Variants in CIRSR observed in about 807,000 individuals in gnomAD.
CIRSR encodes the protein CBF1 (RBPJ) interacting corepressor 1.
the CIRSR span, among the ~76,000 whole-genome samples, chr2:174,383,719 C>CAAAAAAAAAAAAAAAAAAAAACAAAAA: frequency 1.2e-5 from 1 of 83,162 alleles, no homozygotes; most frequent in Non-Finnish European, 2.2e-5. Context: ...GACTCCGTCT[C>CAAAAAAAAAAAAAAAAAAAAACAAAAA]AAAAAAAAAA....
At chr2:174,383,849 CAAAAAAAAA>C in the CIRSR span, among the ~76,000 whole-genome samples, 6 of 121,470 alleles carry the variant, frequency 4.9e-5, no homozygotes, top group South Asian at 7.4e-4. Context: ...AGCTATCTTC[CAAAAAAAAA>C]AAAAAAAAAG....
the CIRSR span, among the ~76,000 whole-genome samples, chr2:174,352,656 T>C: frequency 1.2e-4 from 19 of 152,340 alleles, no homozygotes; most frequent in South Asian, 1.9e-3. Flanking sequence ...GAGAGACTCT[T>C]ATCTCATTTT....
chr2:174,360,165 A>C, the CIRSR span, among the ~76,000 whole-genome samples: 2 of 152,250 alleles, frequency 1.3e-5, no homozygotes, highest in East Asian at 3.8e-4. Flanking sequence ...CATATGTAAC[A>C]AACTGCACGT....
the CIRSR span, among the ~76,000 whole-genome samples, chr2:174,359,228 TTTCTAGGGTGATG>T: frequency 6.6e-6 from 1 of 151,976 alleles, no homozygotes; most frequent in East Asian, 1.9e-4. Context: ...AGAAGGGCAT[TTTCTAGGGTGATG>T]GCAATGCTCT....
the CIRSR span, among the ~76,000 whole-genome samples, chr2:174,391,967 A>G: frequency 6.6e-6 from 1 of 152,132 alleles, no homozygotes; most frequent in Non-Finnish European, 1.5e-5. Context: ...GAGGGAGAAG[A>G]GTTAAGGAAA....
chr2:174,380,524 A>G, the CIRSR span: 1 of 856,372 alleles, frequency 1.2e-6, no homozygotes. Flanking sequence ...AGCTAATTAA[A>G]ATCATTAAAG....
chr2:174,348,382 A>AT, the CIRSR span: 1 of 1,462,332 alleles, frequency 6.8e-7, no homozygotes, highest in Admixed American at 2.6e-5. Flanking sequence ...GAGCTTTTTT[A>AT]TTAGAAAGAC....
the CIRSR span, among the ~76,000 whole-genome samples, chr2:174,377,407 G>T: frequency 5.9e-4 from 90 of 152,276 alleles, 1 homozygote; most frequent in East Asian, 0.017. Context: ...ACCTGTACTG[G>T]GGTATCAGTG....
the CIRSR span, among the ~76,000 whole-genome samples, chr2:174,366,451 G>A: frequency 1.3e-5 from 2 of 152,070 alleles, no homozygotes; most frequent in Non-Finnish European, 2.9e-5. Context: ...TCTAGTGCAA[G>A]TATCCTTCAA....
chr2:174,366,237 A>C, the CIRSR span, among the ~76,000 whole-genome samples: 1 of 152,198 alleles, frequency 6.6e-6, no homozygotes, highest in East Asian at 1.9e-4. Context: ...ACATGTGTAT[A>C]ATGGAAATAA....
chr2:174,394,853 T>C, the CIRSR span, among the ~76,000 whole-genome samples: 1 of 152,230 alleles, frequency 6.6e-6, no homozygotes, highest in Non-Finnish European at 1.5e-5. Flanking sequence ...TTGTTTCAAA[T>C]CCTTTATCTT....
At chr2:174,369,884 A>G in the CIRSR span, 2 of 1,223,868 alleles carry the variant, frequency 1.6e-6, no homozygotes, top group Non-Finnish European at 2.2e-6. Flanking sequence ...TAATAATACA[A>G]GTTTGAATTA....
the CIRSR span, chr2:174,348,688 G>A: frequency 7.9e-5 from 128 of 1,614,054 alleles, no homozygotes; most frequent in South Asian, 9.9e-4. Flanking sequence ...CGGCTTCTCC[G>A]GCTCCTTTCC....
the CIRSR span, among the ~76,000 whole-genome samples, chr2:174,370,166 A>C: frequency 6.6e-6 from 1 of 152,094 alleles, no homozygotes; most frequent in African/African-American, 2.4e-5. Flanking sequence ...GAGAGCTAGC[A>C]CTCCCAGCAA....
At chr2:174,351,743 A>C in the CIRSR span, 2 of 1,595,054 alleles carry the variant, frequency 1.3e-6, no homozygotes, top group Admixed American at 3.4e-5. Context: ...CAAAAATCAC[A>C]GTTTGAATGT....
the CIRSR span, chr2:174,351,533 A>G: frequency 9.2e-7 from 1 of 1,084,566 alleles, no homozygotes; most frequent in Non-Finnish European, 1.4e-6. Context: ...GGATATATGC[A>G]TATTGGAAAA....
At chr2:174,374,704 C>T in the CIRSR span, among the ~76,000 whole-genome samples, 30 of 152,196 alleles carry the variant, frequency 2.0e-4, no homozygotes, top group African/African-American at 3.4e-4. Flanking sequence ...TCCACAGCTC[C>T]TCAGTCTGTG....
At chr2:174,394,807 T>C in the CIRSR span, among the ~76,000 whole-genome samples, 1 of 152,204 alleles carries the variant, frequency 6.6e-6, no homozygotes, top group African/African-American at 2.4e-5. Flanking sequence ...ATTGAGCACC[T>C]CCTCTCTGTA....
At chr2:174,391,159 A>T in the CIRSR span, among the ~76,000 whole-genome samples, 1 of 152,166 alleles carries the variant, frequency 6.6e-6, no homozygotes, top group Non-Finnish European at 1.5e-5. Context: ...GCTATTAAAA[A>T]TTTTGCTGCA....
Sources: allele counts gnomAD v4.1 joint callset (sites outside exome capture counted in the v4.1 genomes callset), GRCh38; gene constraint gnomAD v4.1.1; transcripts MANE v1.5; gene names NCBI Gene and HGNC (gene_info 2026-07-23, HGNC 2026-07-21).